Variants in CIAPIN1 observed in about 807,000 individuals in gnomAD.
CIAPIN1 encodes anamorsin.
In CIAPIN1, 18 loss-of-function variants were observed where a neutral mutation model predicts 34.3. The observed-to-expected ratio is 0.52, with a 90% CI of 0.36 to 0.78. The LOEUF is 0.78. CIAPIN1 is among the 30% of genes least tolerant of loss of function. The pLI, the probability that CIAPIN1 is intolerant of heterozygous loss-of-function variation, is 0.00. For synonymous variants in CIAPIN1, 131 were observed against 140.4 expected, an observed-to-expected ratio of 0.93 and a Z score of 0.47; for missense variants, 310 against 372.5, an observed-to-expected ratio of 0.83 and a Z score of 1.38.
rs17375948 is a variant in CIAPIN1, at chr16:57,436,652, G to A, written c.387+4C>T. ...GCAGCAAAGAAAGTTGTCTACAAAC[G>A]TACCTCTTTCACTTCCACAAGACCA... is the stretch of plus-strand genomic sequence containing the variant. On this transcript the variant is annotated splice_donor_region_variant and intron_variant, in intron 4 of 8. Coordinates refer to ENST00000394391, the MANE Select transcript of CIAPIN1 (RefSeq NM_020313.4). 1.1e-5 allele frequency: 18 copies of A among 1,610,494 alleles called. No homozygotes were observed. The highest frequency in any genetic ancestry group is 2.2e-5 in the East Asian group (1 of 44,840).
At chr16:57,447,321 G>T in intron 1 of CIAPIN1, 21 bp downstream of exon 1, 1 of 436,992 alleles carries the variant, frequency 2.3e-6, no homozygotes, top group Non-Finnish European at 3.8e-6. Flanking sequence ...CTGGCGCTCA[G>T]CTGGCCCCCA....
At chr16:57,433,700 C>G (rs1903139339) in intron 5 of CIAPIN1, 1 of 316,380 alleles carries the variant, frequency 3.2e-6, no homozygotes, top group Admixed American at 4.6e-5. Flanking sequence ...TCTCATACAC[C>G]ATTACCACTA....
At chr16:57,429,660 T>G (rs545061439) in intron 8 of CIAPIN1, among the ~76,000 whole-genome samples, 6 of 151,570 alleles carry the variant, frequency 4.0e-5, no homozygotes, top group African/African-American at 1.5e-4. Context: ...CCCGGCAAAT[T>G]TTTTTGTATT....
At chr16:57,430,132 G>A (rs1410113919) in intron 8 of CIAPIN1, 126 bp downstream of exon 8, 19 of 786,500 alleles carry the variant, frequency 2.4e-5, no homozygotes, top group Admixed American at 2.3e-4. Context: ...TACTACCTAC[G>A]TTCGTGTGCT....
At chr16:57,438,692 A>G (rs1903258169) in intron 3 of CIAPIN1, among the ~76,000 whole-genome samples, 1 of 151,952 alleles carries the variant, frequency 6.6e-6, no homozygotes, top group African/African-American at 2.4e-5. Context: ...CCCTCATACT[A>G]CCCCTTTATA....
At position 57,431,136 on chromosome 16, in the gene CIAPIN1, C is replaced by G. The variant is rs1903077627; in HGVS notation, c.746+15G>C. 6.5e-7 allele frequency: 1 copy of G among 1,536,696 alleles called. No homozygotes were observed. The highest frequency in any genetic ancestry group is 9.0e-7 in the Non-Finnish European group (1 of 1,113,834). ...TGGAGGCAGCATGGCAGGCTCCAGT[C>G]ACCCCAGCACTCACCAGTTCTTACA... On this transcript the variant is annotated intron_variant, in intron 7 of 8. Coordinates refer to ENST00000394391, the MANE Select transcript of CIAPIN1 (RefSeq NM_020313.4).
intron 5 of CIAPIN1, 161 bp downstream of exon 5, chr16:57,433,883 G>A (rs1903142478): frequency 1.5e-6 from 1 of 647,700 alleles, no homozygotes; most frequent in Admixed American, 2.5e-5. Context: ...ATCCTAATAT[G>A]CCCATGATAA....
intron 1 of CIAPIN1, among the ~76,000 whole-genome samples, chr16:57,445,158 G>A (rs1376684953): frequency 6.6e-6 from 1 of 152,178 alleles, no homozygotes; most frequent in Non-Finnish European, 1.5e-5. Flanking sequence ...TAACTCGGGT[G>A]CATAAAAGAG....
rs185994255 is a variant in CIAPIN1, at chr16:57,430,257, C to T, written c.828+1G>A. On this transcript the variant is annotated splice_donor_variant, in intron 8 of 8. Transcript: ENST00000394391. LOFTEE classifies it high-confidence loss of function. ...TGCTGAGGAATGATCCTGATATTTA[C>T]GTTTCCACAAGCTGACTTGGGTTGG... 3.7e-6 allele frequency: 6 copies of T among 1,613,700 alleles called. No homozygotes were observed. The highest frequency in any genetic ancestry group is 1.1e-5 in the South Asian group (1 of 91,078).
At chr16:57,440,016 C>T (rs1204846473) in intron 2 of CIAPIN1, among the ~76,000 whole-genome samples, 1 of 152,194 alleles carries the variant, frequency 6.6e-6, no homozygotes, top group African/African-American at 2.4e-5. Context: ...TCTCTTCTTA[C>T]AAAAGTGAAT....
Position 57,428,849 on chromosome 16 carries a change from T to C in CIAPIN1, c.*321A>G, listed in dbSNP as rs1326342720. 5.5e-5 allele frequency: 13 copies of C among 236,074 alleles called. No individual in the cohort carries two copies. Among genetic ancestry groups the C allele is most frequent in the African/African-American group, 2.0e-4 (9 of 44,050 alleles). 14.6% of individuals were successfully genotyped at this position (236,074 alleles called of 1,614,324 possible). On this transcript the variant is annotated 3_prime_UTR_variant, in exon 9 of 9. Coordinates refer to ENST00000394391, the MANE Select transcript of CIAPIN1 (RefSeq NM_020313.4). ...GTCACAGAGTGTTAATGCTCAACGA[T>C]GCCTGGGCTCAAGAGCGTTCTGGTC... is the stretch of plus-strand genomic sequence containing the variant.
At chr16:57,435,781 G>A (rs545870508) in intron 4 of CIAPIN1, among the ~76,000 whole-genome samples, 8 of 152,080 alleles carry the variant, frequency 5.3e-5, no homozygotes, top group East Asian at 1.9e-4. Context: ...GCAACAGAGC[G>A]AGACTGTCTC....
rs754865510 is a variant in CIAPIN1 at position 57,439,236 on chromosome 16, T to C, written c.256A>G (p.Ile86Val). Residue 86 changes from isoleucine (I) to valine (V), a missense_variant, in exon 3 of 9, where the codon ATC becomes GTC. Physicochemically the swap from Ile to Val is conservative, Grantham distance 29. Transcript: ENST00000394391. Reference sequence around the variant, plus strand: ...AAAAGACATCCACCAGGCCGAAGGATCCGGGCGATTTCAGCCAAAATCTCA... The same window carrying C: ...AAAAGACATCCACCAGGCCGAAGGACCCGGGCGATTTCAGCCAAAATCTCA... The part of the protein sequence containing the change: ...SAEILAEIAR[I>V]LRPGGCLFLK... 2.5e-6 allele frequency: 4 copies of C among 1,614,184 alleles called. No individual in the cohort carries two copies. In the East Asian group the frequency reaches 8.9e-5, roughly 36 times the overall value.
chr16:57,442,332 G>A (rs147048616), intron 1 of CIAPIN1, among the ~76,000 whole-genome samples: 2,614 of 152,056 alleles, frequency 0.017, 78 homozygotes, highest in African/African-American at 0.059. Flanking sequence ...GTGACAGAGC[G>A]AGACTCCGTC....
At chr16:57,435,078 G>A (rs1903169583) in intron 4 of CIAPIN1, among the ~76,000 whole-genome samples, 1 of 152,164 alleles carries the variant, frequency 6.6e-6, no homozygotes, top group South Asian at 2.1e-4. Flanking sequence ...TGTTGGAGGT[G>A]GGGCCTGGTG....
Position 57,431,294 on chromosome 16 carries a change from TAC to T in CIAPIN1, c.631-30_631-29del, listed in dbSNP as rs768305809. On this transcript the variant is annotated intron_variant, in intron 6 of 8. Coordinates refer to ENST00000394391, the MANE Select transcript of CIAPIN1 (RefSeq NM_020313.4). ...GGAGAGTGTTCAAAGCAATGAGTGA[TAC>T]AGTCGTGGTCTCTGCTAATGAAAAG... 10 of 1,484,636 alleles carry T rather than the reference TAC, an allele frequency of 6.7e-6. No individual in the cohort carries two copies. The East Asian group carries it at 2.0e-4, about 30-fold the overall frequency. The allele number at this position is 1,484,636 out of a possible 1,614,324, so 92.0% of individuals were successfully genotyped here. A position where few individuals can be genotyped will look rare whatever the true frequency, so the allele number is the denominator to read the frequency against.
intron 3 of CIAPIN1, among the ~76,000 whole-genome samples, chr16:57,437,597 C>T (rs1425609298): frequency 6.6e-6 from 1 of 151,950 alleles, no homozygotes; most frequent in Non-Finnish European, 1.5e-5. Flanking sequence ...GATCTCAGCT[C>T]ATTGCAGCCT....
chr16:57,434,929 T>G (rs528112894), intron 4 of CIAPIN1, among the ~76,000 whole-genome samples: 70 of 152,344 alleles, frequency 4.6e-4, no homozygotes, highest in Admixed American at 9.8e-4. Flanking sequence ...TGGCTTCCTC[T>G]GGGGAGGGAA....
At chr16:57,443,335 C>A (rs1164430033) in intron 1 of CIAPIN1, among the ~76,000 whole-genome samples, 1 of 152,062 alleles carries the variant, frequency 6.6e-6, no homozygotes, top group Non-Finnish European at 1.5e-5. Flanking sequence ...GACGGGGTTT[C>A]TCCATGTTGG....
Sources: gnomAD v4.1 joint callset for allele counts (sites outside exome capture counted in the v4.1 genomes callset) on GRCh38, gnomAD v4.1.1 for gene constraint, MANE v1.5 for transcripts, NCBI Gene and HGNC (gene_info 2026-07-23, HGNC 2026-07-21) for gene names.